ENPP3: variants seen among roughly 807,000 people sequenced by gnomAD.
ENPP3 encodes ectonucleotide pyrophosphatase/phosphodiesterase 3, also known as ectonucleotide pyrophosphatase/phosphodiesterase family member 3.
A neutral mutation model predicts 117.8 loss-of-function variants in ENPP3; 104 were observed. That is an observed-to-expected ratio of 0.88 (90% CI 0.75 to 1.04). The LOEUF is 1.04. ENPP3 is among the 50% of genes least tolerant of loss of function. The probability of loss-of-function intolerance (pLI) is 0.00; values close to 1 mark genes in which losing one functional copy is unlikely to be tolerated. For synonymous variants in ENPP3, 380 were observed against 349.9 expected, an observed-to-expected ratio of 1.09 and a Z score of -0.96; for missense variants, 1,026 against 1,051.9, an observed-to-expected ratio of 0.98 and a Z score of 0.34.
chr6:131,708,455 A>G (rs1225005401), intron 15 of ENPP3, among the ~76,000 whole-genome samples: 1 of 152,286 alleles, frequency 6.6e-6, no homozygotes, highest in Admixed American at 6.5e-5. Context: ...TATTCAAACC[A>G]TCTTTATTTA....
intron 22 of ENPP3, 72 bp from the exon 23 acceptor site, chr6:131,737,959 T>C (rs1240976219): frequency 3.6e-5 from 38 of 1,061,656 alleles, no homozygotes; most frequent in Non-Finnish European, 4.9e-5. Flanking sequence ...TAAATGTACT[T>C]GTCTATAATA....
chr6:131,682,617 A>G (rs1320788643), intron 11 of ENPP3, among the ~76,000 whole-genome samples: 4 of 152,230 alleles, frequency 2.6e-5, no homozygotes, highest in African/African-American at 9.6e-5. Context: ...ACAAATGCCC[A>G]GAAGTAGAAT....
intron 18 of ENPP3, among the ~76,000 whole-genome samples, chr6:131,723,317 G>A (rs569381748): frequency 3.4e-4 from 52 of 152,288 alleles, no homozygotes; most frequent in African/African-American, 1.2e-3. Context: ...CAAAAGCTTA[G>A]CAAACTTCTC....
At chr6:131,671,420 C>T (rs1585644730) in intron 7 of ENPP3, 93 bp downstream of exon 7, 1 of 769,326 alleles carries the variant, frequency 1.3e-6, no homozygotes, top group East Asian at 2.5e-5. Context: ...AGTTCTGTGA[C>T]TTACCCTTCT....
chr6:131,637,372 A>T lies in ENPP3; in HGVS notation c.-13A>T. The T allele has an allele frequency of 6.4e-7, 1 of 1,568,322 alleles. No homozygotes were observed. The highest frequency in any genetic ancestry group is 8.7e-7 in the Non-Finnish European group (1 of 1,154,240). Reference sequence around the variant, plus strand: ...TTATTCTGATAAAACAGGTCTATGCAGCTACCAGGACAATGGAATCTACGT... The same window carrying T: ...TTATTCTGATAAAACAGGTCTATGCTGCTACCAGGACAATGGAATCTACGT... On this transcript the variant is annotated 5_prime_UTR_variant, in exon 1 of 25. Transcript: ENST00000357639.
At chr6:131,689,409 A>G (rs1256903160) in intron 14 of ENPP3, among the ~76,000 whole-genome samples, 1 of 152,100 alleles carries the variant, frequency 6.6e-6, no homozygotes, top group African/African-American at 2.4e-5. Flanking sequence ...GCCCTTACGA[A>G]TTATGCTCAA....
intron 6 of ENPP3, among the ~76,000 whole-genome samples, chr6:131,669,655 CAAAAAAA>C (rs67597128): frequency 1.3e-4 from 8 of 61,712 alleles, no homozygotes; most frequent in African/African-American, 5.3e-4. Context: ...GACTCCATCT[CAAAAAAA>C]AAAAAAAAAA....
intron 14 of ENPP3, among the ~76,000 whole-genome samples, chr6:131,690,243 G>A (rs1028200964): frequency 4.6e-5 from 7 of 152,132 alleles, no homozygotes; most frequent in African/African-American, 1.4e-4. Flanking sequence ...AAACAGTTTC[G>A]GATGCTACAG....
At chr6:131,655,430 T>C (rs1254867123) in intron 5 of ENPP3, among the ~76,000 whole-genome samples, 2 of 152,198 alleles carry the variant, frequency 1.3e-5, no homozygotes, top group African/African-American at 4.8e-5. Flanking sequence ...TTCCTAGTGG[T>C]TGCTGGAAGC....
Position 131,723,827 on chromosome 6 carries a change from T to TCTCTCA in ENPP3, c.1747-212_1747-211insTCTCAC, listed in dbSNP as rs367662326. The stretch of plus-strand genomic sequence containing the variant: ...TTCTCTCTCTCTCTCTCTCTCTCTC[T>TCTCTCA]CACACACACACACACACACACACAC... On this transcript the variant is annotated intron_variant, in intron 18 of 24. Coordinates refer to ENST00000357639, the MANE Select transcript of ENPP3 (RefSeq NM_005021.5). 4.4e-3 allele frequency among the ~76,000 whole-genome samples: 647 copies of TCTCTCA among 145,894 alleles called. 6 individuals carry two copies. The highest frequency in any genetic ancestry group is 0.014 in the East Asian group (72 of 5,076).
rs139779420 is a variant in ENPP3 at position 131,667,104 on chromosome 6, T to C, written c.563-4144T>C. Among the ~76,000 whole-genome samples, 27 of 152,310 alleles carry C rather than the reference T, an allele frequency of 1.8e-4. No individual in the cohort carries two copies. The East Asian group carries it at 4.2e-3, about 24-fold the overall frequency. ...CTCTCCCCAGAGAAAAGTTGGGGTC[T>C]GGATTTTGTTTTGTTTTGGTCGTGG... On this transcript the variant is annotated intron_variant, in intron 6 of 24. Coordinates refer to ENST00000357639, the MANE Select transcript of ENPP3 (RefSeq NM_005021.5).
intron 15 of ENPP3, among the ~76,000 whole-genome samples, chr6:131,697,150 T>C (rs1779426368): frequency 1.3e-5 from 2 of 152,180 alleles, no homozygotes; most frequent in South Asian, 4.1e-4. Context: ...AAGAACTAGA[T>C]TCCTGCAGTT....
chr6:131,650,122 G>T lies in ENPP3; in HGVS notation c.250G>T (p.Asp84Tyr). ...TAAAGACCGAGGTGATTGCTGCTGG[G>T]ATTTTGAAGACACCTGTGTGGAATC... is the stretch of plus-strand genomic sequence containing the variant. Reference protein sequence around the residue: ...ACKDRGDCCWDFEDTCVESTR... With the variant: ...ACKDRGDCCWYFEDTCVESTR... Residue 84 changes from aspartate (D) to tyrosine (Y), a missense_variant, in exon 3 of 25, where the codon GAT becomes TAT. Asp to Tyr is a radical substitution (Grantham distance 160, BLOSUM62 -3). Coordinates refer to ENST00000357639, the MANE Select transcript of ENPP3 (RefSeq NM_005021.5). 6.2e-7 allele frequency: 1 copy of T among 1,614,090 alleles called. No individual in the cohort carries two copies. Among genetic ancestry groups the T allele is most frequent in the Non-Finnish European group, 8.5e-7 (1 of 1,179,988 alleles).
chr6:131,640,139 T>G (rs1778011153), intron 1 of ENPP3, among the ~76,000 whole-genome samples: 1 of 152,162 alleles, frequency 6.6e-6, no homozygotes, highest in Admixed American at 6.5e-5. Context: ...TGTTGTTGAT[T>G]TTTCTAGCAA....
At chr6:131,725,996 G>A (rs1780146121) in intron 19 of ENPP3, 50 bp from the exon 20 acceptor site, 3 of 1,322,422 alleles carry the variant, frequency 2.3e-6, no homozygotes, top group African/African-American at 2.9e-5. Context: ...ATGCAAAGAA[G>A]CATTTGCTAA....
At chr6:131,727,270 T>G (rs1331982713) in intron 20 of ENPP3, among the ~76,000 whole-genome samples, 1 of 152,018 alleles carries the variant, frequency 6.6e-6, no homozygotes, top group Non-Finnish European at 1.5e-5. Context: ...AAAACAAAAC[T>G]TAGGGCCAGG....
In ENPP3 at chr6:131,674,292, T is replaced by C. The variant is rs767644267; in HGVS notation, c.762+11T>C. 3.3e-5 allele frequency: 53 copies of C among 1,613,318 alleles called. No individual in the cohort carries two copies. Among genetic ancestry groups the C allele is most frequent in the Non-Finnish European group, 4.3e-5 (51 of 1,179,474 alleles). On this transcript the variant is annotated intron_variant, in intron 8 of 24. Coordinates refer to ENST00000357639, the MANE Select transcript of ENPP3 (RefSeq NM_005021.5). Reference sequence around the variant, plus strand: ...TGGCATGGGCAACCAGTATGTAGCATTCTACACGTCGCAACTGAAGTAACC... The same window carrying C: ...TGGCATGGGCAACCAGTATGTAGCACTCTACACGTCGCAACTGAAGTAACC...
Position 131,652,651 on chromosome 6 carries a change from T to G in ENPP3, c.387T>G (p.Tyr129Ter). The G allele has an allele frequency of 6.2e-7, 1 of 1,614,054 alleles. No homozygotes were observed. Among genetic ancestry groups the G allele is most frequent in the East Asian group, 2.2e-5 (1 of 44,870 alleles). ...AGAGGAAAGATTGCTGTGCTGACTA[T>G]AAGAGTGTTTGCCAAGGTGAGCAGG... ...CLQRKDCCAD[Y>*]KSVCQGETSW... Residue 129 changes from tyrosine to a stop codon, truncating the protein, a stop_gained, in exon 4 of 25, where the codon TAT (tyrosine) becomes TAG (stop). Coordinates refer to ENST00000357639, the MANE Select transcript of ENPP3 (RefSeq NM_005021.5). LOFTEE classifies it high-confidence loss of function.
chr6:131,680,496 A>G (rs1779000962), intron 11 of ENPP3, among the ~76,000 whole-genome samples: 1 of 152,188 alleles, frequency 6.6e-6, no homozygotes, highest in Non-Finnish European at 1.5e-5. Context: ...TCGGCAGCAT[A>G]TAGATGGTGC....
Sources: gnomAD v4.1 joint callset for allele counts (sites outside exome capture counted in the v4.1 genomes callset) on GRCh38, gnomAD v4.1.1 for gene constraint, MANE v1.5 for transcripts, NCBI Gene and HGNC (gene_info 2026-07-23, HGNC 2026-07-21) for gene names.